Variants in RGS7BP observed in about 807,000 individuals in gnomAD.
The protein encoded by RGS7BP is regulator of G protein signaling 7-binding protein.
A neutral mutation model predicts 31.3 loss-of-function variants in RGS7BP; 9 were observed. The ratio of observed to expected loss-of-function variants is 0.29; its 90% CI spans 0.17 to 0.50. The LOEUF is 0.50. Among genes scored for constraint, RGS7BP ranks in the 20% least tolerant of loss-of-function variants. RGS7BP has a pLI of 0.98. For synonymous variants in RGS7BP, 115 were observed against 120.1 expected (o/e 0.96, Z 0.28); for missense variants, 274 against 322.0 (o/e 0.85, Z 1.14).
intron 2 of RGS7BP, among the ~76,000 whole-genome samples, chr5:64,570,435 T>C (rs1742276975): frequency 6.6e-6 from 1 of 152,192 alleles, no homozygotes. Flanking sequence ...ATCTAAGTTT[T>C]CTAACTCCAA....
intron 2 of RGS7BP, among the ~76,000 whole-genome samples, chr5:64,541,109 G>C (rs1346354504): frequency 1.3e-5 from 2 of 152,192 alleles, no homozygotes; most frequent in East Asian, 3.9e-4. Context: ...ACGAAGCATA[G>C]TGCCAGCCTC....
intron 2 of RGS7BP, among the ~76,000 whole-genome samples, chr5:64,515,737 T>C (rs1332210989): frequency 2.3e-5 from 3 of 129,170 alleles, no homozygotes; most frequent in South Asian, 2.5e-4. Flanking sequence ...CACACACATA[T>C]AATGCACACA....
chr5:64,600,258 GC>G (rs1028317639), intron 5 of RGS7BP, among the ~76,000 whole-genome samples: 1 of 152,092 alleles, frequency 6.6e-6, no homozygotes, highest in Non-Finnish European at 1.5e-5. Flanking sequence ...GAGGATGGCT[GC>G]CCAGGGTCCC....
At chr5:64,547,469 A>G (rs1278778233) in intron 2 of RGS7BP, among the ~76,000 whole-genome samples, 2 of 152,214 alleles carry the variant, frequency 1.3e-5, no homozygotes, top group Non-Finnish European at 2.9e-5. Context: ...ACAGCTTCTC[A>G]GCTGGTACTT....
chr5:64,542,814 T>C (rs150102225), intron 2 of RGS7BP, among the ~76,000 whole-genome samples: 104 of 152,346 alleles, frequency 6.8e-4, no homozygotes, highest in Non-Finnish European at 1.3e-3. Flanking sequence ...ATCACAAGAA[T>C]GGGCAAATAA....
chr5:64,533,280 G>C (rs551804606), intron 2 of RGS7BP, among the ~76,000 whole-genome samples: 5 of 152,298 alleles, frequency 3.3e-5, no homozygotes, highest in African/African-American at 1.2e-4. Context: ...AACTCAGCCA[G>C]AATGAGTTAG....
At chr5:64,529,496 T>A (rs956735263) in intron 2 of RGS7BP, among the ~76,000 whole-genome samples, 7 of 152,160 alleles carry the variant, frequency 4.6e-5, no homozygotes, top group Non-Finnish European at 8.8e-5. Context: ...ATAAAAAGGT[T>A]ATGAGAACAA....
intron 2 of RGS7BP, among the ~76,000 whole-genome samples, chr5:64,526,591 A>G (rs1749236013): frequency 6.6e-6 from 1 of 152,152 alleles, no homozygotes; most frequent in African/African-American, 2.4e-5. Flanking sequence ...CCTGCAACCA[A>G]AAAGGCACAA....
At position 64,510,176 on chromosome 5, in the gene RGS7BP, C is replaced by T. The variant is rs190260629; in HGVS notation, c.332+2299C>T. Reference sequence around the variant, plus strand: ...CTTGCGCGCCCACTATTTGTCATCACAACCCAGCTATTTCCTTTCAGCTGA... The same window carrying T: ...CTTGCGCGCCCACTATTTGTCATCATAACCCAGCTATTTCCTTTCAGCTGA... On this transcript the variant is annotated intron_variant, in intron 2 of 5. Coordinates refer to ENST00000334025, the MANE Select transcript of RGS7BP (RefSeq NM_001029875.3). 4.3e-4 allele frequency among the ~76,000 whole-genome samples: 65 copies of T among 152,342 alleles called. 1 individual carries two copies. Among genetic ancestry groups the T allele is most frequent in the Admixed American group, 4.1e-3 (62 of 15,306 alleles).
intron 2 of RGS7BP, among the ~76,000 whole-genome samples, chr5:64,518,626 G>T (rs886838189): frequency 2.0e-5 from 3 of 152,140 alleles, no homozygotes; most frequent in African/African-American, 7.2e-5. Context: ...GCAAGGTAAA[G>T]ATCCTTGAAG....
intron 2 of RGS7BP, among the ~76,000 whole-genome samples, chr5:64,572,620 C>A (rs1742325201): frequency 6.6e-6 from 1 of 151,926 alleles, no homozygotes. Flanking sequence ...CTTTGTTAAC[C>A]AGAAGATTTA....
chr5:64,520,194 C>G (rs1749072296), intron 2 of RGS7BP, among the ~76,000 whole-genome samples: 1 of 152,176 alleles, frequency 6.6e-6, no homozygotes, highest in Admixed American at 6.5e-5. Context: ...GTGCCAGAGT[C>G]TTTATTCTTG....
Position 64,609,259 on chromosome 5 carries a change from C to A in RGS7BP, c.*7C>A. 6.5e-7 allele frequency: 1 copy of A among 1,544,642 alleles called. No homozygotes were observed. The highest frequency in any genetic ancestry group is 9.0e-7 in the Non-Finnish European group (1 of 1,117,028). ...TTGTCTCATCTCAAGCTAGGTGGCT[C>A]CTCCTGGAAACCCACTGAGAACATC... On this transcript the variant is annotated 3_prime_UTR_variant, in exon 6 of 6. Transcript: ENST00000334025.
chr5:64,574,625 A>G (rs1742375119), intron 2 of RGS7BP, among the ~76,000 whole-genome samples: 1 of 152,192 alleles, frequency 6.6e-6, no homozygotes, highest in Non-Finnish European at 1.5e-5. Flanking sequence ...CTTGTGTTAT[A>G]TAAGCCATAT....
chr5:64,575,767 G>A lies in RGS7BP; in HGVS notation c.333-7G>A. 1.2e-6 allele frequency: 2 copies of A among 1,603,604 alleles called. No homozygotes were observed. Among genetic ancestry groups the A allele is most frequent in the Non-Finnish European group, 1.7e-6 (2 of 1,176,224 alleles). On this transcript the variant is annotated splice_polypyrimidine_tract_variant and splice_region_variant and intron_variant, in intron 2 of 5. Transcript: ENST00000334025. Reference sequence around the variant, plus strand: ...GTTCACAGCTTTTCTCTTTCATTCTGTTGCAGCCCGGAAGATGGTGAGATC... The same window carrying A: ...GTTCACAGCTTTTCTCTTTCATTCTATTGCAGCCCGGAAGATGGTGAGATC...
At chr5:64,598,727 C>T (rs936855481) in intron 5 of RGS7BP, among the ~76,000 whole-genome samples, 1 of 152,156 alleles carries the variant, frequency 6.6e-6, no homozygotes, top group African/African-American at 2.4e-5. Flanking sequence ...CTTAAGAACA[C>T]CTACAAAGGA....
rs557208708 is a variant in RGS7BP, at chr5:64,527,934, G to GA, written c.332+20063dup. ...ATTCTGTGGTAAATACTAAGAGAGA[G>GA]AAAAAATCTATCCACACATGTCAAA... On this transcript the variant is annotated intron_variant, in intron 2 of 5. Transcript: ENST00000334025. Among the ~76,000 whole-genome samples, 651 of 152,182 alleles carry GA rather than the reference G, an allele frequency of 4.3e-3. 5 individuals carry two copies. The highest frequency in any genetic ancestry group is 0.015 in the African/African-American group (604 of 41,524).
chr5:64,576,146 T>G (rs1021425857), intron 3 of RGS7BP, among the ~76,000 whole-genome samples: 5 of 152,250 alleles, frequency 3.3e-5, no homozygotes, highest in Non-Finnish European at 7.3e-5. Flanking sequence ...ATTTATTATT[T>G]TAGCTGTTGT....
In RGS7BP at chr5:64,581,434, T is replaced by A. The variant is rs999338839; in HGVS notation, c.463+5530T>A. Among the ~76,000 whole-genome samples the A allele has an allele frequency of 7.9e-5, 12 of 152,330 alleles. No homozygotes were observed. In the East Asian group the frequency reaches 2.1e-3, roughly 27 times the overall value. ...GAAGCCAAACTGTTTCATTTATCTA[T>A]ACATTTAATTTGTTTTTATGTCTAT... is the stretch of plus-strand genomic sequence containing the variant. On this transcript the variant is annotated intron_variant, in intron 3 of 5. Transcript: ENST00000334025.
Sources: gnomAD v4.1 joint callset for allele counts (sites outside exome capture counted in the v4.1 genomes callset) on GRCh38, gnomAD v4.1.1 for gene constraint, MANE v1.5 for transcripts, NCBI Gene and HGNC (gene_info 2026-07-23, HGNC 2026-07-21) for gene names.